The following FOXP2 variants were observed in gnomAD, a reference collection of about 807,000 sequenced individuals.
FOXP2 encodes forkhead box protein P2.
A neutral mutation model predicts 115.8 loss-of-function variants in FOXP2; 12 were observed. That is an observed-to-expected ratio of 0.10 (90% CI 0.07 to 0.17). The LOEUF (loss-of-function observed/expected upper bound fraction) is 0.17. FOXP2 is among the 10% of genes least tolerant of loss of function. FOXP2 has a pLI of 1.00. For missense variants in FOXP2, 629 were observed against 843.5 expected, an observed-to-expected ratio of 0.75 and a Z score of 3.15; for synonymous variants, 328 against 297.7, an observed-to-expected ratio of 1.10 and a Z score of -1.05.
At chr7:114,655,050 G>A (rs1403100611) in intron 10 of FOXP2, among the ~76,000 whole-genome samples, 1 of 151,772 alleles carries the variant, frequency 6.6e-6, no homozygotes, top group African/African-American at 2.4e-5. Flanking sequence ...ATTTTTATAG[G>A]AAGAAAAAAG....
chr7:114,163,419 T>G (rs1792891491), intron 1 of FOXP2, among the ~76,000 whole-genome samples: 1 of 152,106 alleles, frequency 6.6e-6, no homozygotes, highest in Non-Finnish European at 1.5e-5. Context: ...AATCTCTTTT[T>G]GCTCTAAACT....
At chr7:114,236,887 G>A (rs1795020988) in intron 1 of FOXP2, among the ~76,000 whole-genome samples, 1 of 152,160 alleles carries the variant, frequency 6.6e-6, no homozygotes, top group Admixed American at 6.5e-5. Context: ...TGAGGCAGGA[G>A]AATTGCTTGA....
intron 2 of FOXP2, among the ~76,000 whole-genome samples, chr7:114,470,016 T>A (rs1795978826): frequency 1.3e-5 from 2 of 152,124 alleles, no homozygotes; most frequent in South Asian, 2.1e-4. Flanking sequence ...CTTCTAGGAG[T>A]TTATAGGTAA....
chr7:114,195,203 C>T (rs1793871855), intron 1 of FOXP2, among the ~76,000 whole-genome samples: 1 of 152,102 alleles, frequency 6.6e-6, no homozygotes, highest in African/African-American at 2.4e-5. Flanking sequence ...TTGGGTGCTT[C>T]ATTTCTGTTT....
intron 1 of FOXP2, among the ~76,000 whole-genome samples, chr7:114,098,082 G>T (rs1799689096): frequency 6.6e-6 from 1 of 152,186 alleles, no homozygotes; most frequent in East Asian, 1.9e-4. Context: ...AACAAGAGAG[G>T]TAAATAAAAT....
At chr7:114,234,443 A>T (rs1005934667) in intron 1 of FOXP2, among the ~76,000 whole-genome samples, 1 of 152,354 alleles carries the variant, frequency 6.6e-6, no homozygotes, top group Middle Eastern at 3.4e-3. Context: ...TAAACATCCA[A>T]TGCAGTCGTA....
At chr7:114,611,712 T>A (rs1429948093) in intron 3 of FOXP2, among the ~76,000 whole-genome samples, 1 of 152,226 alleles carries the variant, frequency 6.6e-6, no homozygotes, top group Non-Finnish European at 1.5e-5. Context: ...AATTCCTTTT[T>A]TCTTCTTCCC....
At chr7:114,439,544 CTTAT>C (rs547497847) in intron 2 of FOXP2, among the ~76,000 whole-genome samples, 6 of 151,646 alleles carry the variant, frequency 4.0e-5, no homozygotes, top group South Asian at 2.1e-4. Flanking sequence ...TGTAAATTAT[CTTAT>C]TTATTTATTT....
chr7:114,556,896 A>T (rs142255263), intron 3 of FOXP2, among the ~76,000 whole-genome samples: 2,202 of 152,342 alleles, frequency 0.014, 29 homozygotes, highest in Non-Finnish European at 0.023. Flanking sequence ...TAGTAACTTT[A>T]AAGATCTTTT....
intron 1 of FOXP2, among the ~76,000 whole-genome samples, chr7:114,417,528 ATAT>A (rs962343253): frequency 7.9e-5 from 12 of 151,958 alleles, no homozygotes; most frequent in African/African-American, 2.9e-4. Flanking sequence ...GATGATGCTG[ATAT>A]TATCGACATA....
intron 3 of FOXP2, among the ~76,000 whole-genome samples, chr7:114,590,391 T>C (rs903280712): frequency 6.6e-6 from 1 of 152,218 alleles, no homozygotes; most frequent in Non-Finnish European, 1.5e-5. Flanking sequence ...CTTCATAGCC[T>C]GCTATTTCTT....
chr7:114,487,015 C>T (rs1796817178), intron 2 of FOXP2, among the ~76,000 whole-genome samples: 1 of 152,180 alleles, frequency 6.6e-6, no homozygotes, highest in African/African-American at 2.4e-5. Context: ...TCTCACAGCT[C>T]TGCTAGACAG....
intron 2 of FOXP2, among the ~76,000 whole-genome samples, chr7:114,502,000 T>C (rs1797583552): frequency 6.6e-6 from 1 of 152,120 alleles, no homozygotes; most frequent in East Asian, 1.9e-4. Context: ...TAATTGTGTC[T>C]AGAAATAATC....
intron 6 of FOXP2, among the ~76,000 whole-genome samples, chr7:114,636,047 C>T (rs1024769131): frequency 2.0e-5 from 3 of 152,130 alleles, no homozygotes; most frequent in African/African-American, 7.2e-5. Context: ...ATTTAATTCA[C>T]CTCTCATTAG....
intron 2 of FOXP2, among the ~76,000 whole-genome samples, chr7:114,300,142 G>A (rs1295780787): frequency 6.6e-6 from 1 of 151,960 alleles, no homozygotes; most frequent in East Asian, 1.9e-4. Context: ...TTTCTTATCT[G>A]AAGATAGCTG....
rs1171732648 is a variant in FOXP2 at position 114,285,190 on chromosome 7, G to GT, written c.-101-2823dup. 2.0e-5 allele frequency among the ~76,000 whole-genome samples: 3 copies of GT among 152,056 alleles called. No homozygotes were observed. In the East Asian group the frequency reaches 5.8e-4, roughly 29 times the overall value. On this transcript the variant is annotated intron_variant, in intron 1 of 17. Coordinates refer to the FOXP2 transcript ENST00000634411. ...GTTTAAAAAATAAATAATAAAATTA[G>GT]TTTTTTGGGTTTTTTTGGTATGTGA...
chr7:114,491,152 T>C (rs1797031696), intron 2 of FOXP2, among the ~76,000 whole-genome samples: 1 of 152,172 alleles, frequency 6.6e-6, no homozygotes, highest in Non-Finnish European at 1.5e-5. Flanking sequence ...TTTCTCCACA[T>C]CCTCTCCAGC....
intron 10 of FOXP2, among the ~76,000 whole-genome samples, chr7:114,655,163 A>T (rs1806508431): frequency 6.6e-6 from 1 of 152,148 alleles, no homozygotes; most frequent in Non-Finnish European, 1.5e-5. Context: ...TCATGTATTT[A>T]TGACTATCTT....
chr7:114,553,274 G>T (rs895155515), intron 3 of FOXP2, among the ~76,000 whole-genome samples: 1 of 152,110 alleles, frequency 6.6e-6, no homozygotes, highest in African/African-American at 2.4e-5. Context: ...TTTCTCTTAC[G>T]TGATGAGGAT....
Sources: gnomAD v4.1 joint callset for allele counts (sites outside exome capture counted in the v4.1 genomes callset) on GRCh38, gnomAD v4.1.1 for gene constraint, MANE v1.5 for transcripts, NCBI Gene and HGNC (gene_info 2026-07-23, HGNC 2026-07-21) for gene names.